Variants in SLC38A11 observed in about 807,000 individuals in gnomAD.
SLC38A11 encodes the protein putative sodium-coupled neutral amino acid transporter 11.
A neutral mutation model predicts 49.4 loss-of-function variants in SLC38A11; 51 were observed. The observed-to-expected ratio is 1.03, with a 90% CI of 0.83 to 1.30. SLC38A11 has a LOEUF of 1.30. Among genes scored for constraint, SLC38A11 ranks in the 50% most tolerant of loss-of-function variants. The pLI is 0.00. For synonymous variants in SLC38A11, 203 were observed against 192.9 expected (o/e 1.05, Z -0.43); for missense variants, 574 against 556.2 (o/e 1.03, Z -0.32).
chr2:164,922,571 C>G (rs2105473819), intron 7 of SLC38A11, among the ~76,000 whole-genome samples: 1 of 152,262 alleles, frequency 6.6e-6, no homozygotes, highest in East Asian at 1.9e-4. Context: ...AAAACTGATT[C>G]ATTTAAAAAC....
chr2:164,915,521 T>C, intron 8 of SLC38A11: 1 of 434,062 alleles, frequency 2.3e-6, no homozygotes, highest in Non-Finnish European at 4.1e-6. Context: ...TTCTCTCTCA[T>C]TTTCCTTTTC....
intron 3 of SLC38A11, among the ~76,000 whole-genome samples, chr2:164,946,111 G>A (rs1688088303): frequency 6.6e-6 from 1 of 152,140 alleles, no homozygotes. Flanking sequence ...TATTTCATAA[G>A]TATTCAGTGT....
intron 9 of SLC38A11, among the ~76,000 whole-genome samples, chr2:164,913,093 G>T (rs1482627124): frequency 6.6e-6 from 1 of 151,756 alleles, no homozygotes; most frequent in Non-Finnish European, 1.5e-5. Flanking sequence ...CCTCTGTACT[G>T]TTTTTTTCAT....
intron 8 of SLC38A11, 67 bp from the exon 9 acceptor site, chr2:164,915,340 T>C: frequency 7.1e-7 from 1 of 1,413,188 alleles, no homozygotes; most frequent in Non-Finnish European, 9.6e-7. Context: ...GTTCTGAAAT[T>C]CAGAGATATA....
chr2:164,955,223 C>T lies in SLC38A11; in HGVS notation c.25G>A (p.Val9Ile). 6.4e-7 allele frequency: 1 copy of T among 1,550,546 alleles called. No individual in the cohort carries two copies. Among genetic ancestry groups the T allele is most frequent in the Non-Finnish European group, 8.7e-7 (1 of 1,146,980 alleles). MGYQRQEP[V>I]IPPQRDLDDR... ...GCTAGTTTTACCTGCGGCGGGATGA[C>T]AGGCTCCTGCCTCTGGTAGCCCATG... is the stretch of plus-strand genomic sequence containing the variant. The change falls in exon 1 of 12, where the codon GTC becomes ATC. Residue 9 changes from valine to isoleucine, a missense_variant. Physicochemically the swap from Val to Ile is conservative, Grantham distance 29. Transcript: ENST00000685975.
Position 164,895,773 on chromosome 2 carries a change from T to C in SLC38A11, c.*2664A>G, listed in dbSNP as rs933775296. 1 of 152,222 alleles carries C rather than the reference T, an allele frequency of 6.6e-6. No individual in the cohort carries two copies. The highest frequency in any genetic ancestry group is 1.5e-5 in the Non-Finnish European group (1 of 68,036). 9.4% of individuals were successfully genotyped at this position (152,222 alleles called of 1,614,324 possible). ...TGGTGCGTTCAGGAAGGTATGGTCA[T>C]AGACAGTTTACCCATTCTGATGTTT... On this transcript the variant is annotated 3_prime_UTR_variant, in exon 12 of 12. Coordinates refer to ENST00000685975, the MANE Select transcript of SLC38A11 (RefSeq NM_001351537.2).
chr2:164,923,020 A>G (rs535219978), intron 7 of SLC38A11, among the ~76,000 whole-genome samples: 2 of 152,362 alleles, frequency 1.3e-5, no homozygotes, highest in South Asian at 4.1e-4. Flanking sequence ...CTGGCTAACC[A>G]TATGCAGAAG....
rs1404072091 is a variant in SLC38A11 at position 164,898,548 on chromosome 2, C to G, written c.1278G>C (p.Gly426=). Residue 426 remains glycine (G), a synonymous_variant, in exon 12 of 12, where the codon GGG becomes GGC. Transcript: ENST00000685975. ...CAGGAAAGCAGTAGAACATTTCCTG[C>G]CCATGGGTGCAGTCTTGAGTATTTG... The part of the protein sequence containing the change: ...AITNTQDCTH[G]QEMFYCFPDN... The G allele has an allele frequency of 6.2e-7, 1 of 1,613,540 alleles. No individual in the cohort carries two copies. The highest frequency in any genetic ancestry group is 1.7e-5 in the Admixed American group (1 of 59,898).
intron 10 of SLC38A11, among the ~76,000 whole-genome samples, chr2:164,910,713 G>A (rs1211545196): frequency 6.6e-6 from 1 of 152,020 alleles, no homozygotes; most frequent in Non-Finnish European, 1.5e-5. Context: ...TATCTCATTA[G>A]ACCCTTTCAC....
At chr2:164,909,107 C>A (rs1685225080) in intron 10 of SLC38A11, among the ~76,000 whole-genome samples, 1 of 152,088 alleles carries the variant, frequency 6.6e-6, no homozygotes, top group Non-Finnish European at 1.5e-5. Context: ...TAGGTTACTA[C>A]TAAAACAAAC....
chr2:164,915,294 G>C (rs1460423567), intron 8 of SLC38A11, 21 bp from the exon 9 acceptor site: 2 of 1,573,736 alleles, frequency 1.3e-6, no homozygotes, highest in Non-Finnish European at 1.7e-6. Flanking sequence ...AAAAAAAAGA[G>C]CATTATTAAA....
chr2:164,947,320 C>T (rs1334850272), intron 3 of SLC38A11, among the ~76,000 whole-genome samples: 2 of 151,510 alleles, frequency 1.3e-5, no homozygotes, highest in Admixed American at 6.6e-5. Context: ...TTAGCAGAGA[C>T]GGGGTTTTGC....
chr2:164,946,983 T>C (rs1688156225), intron 3 of SLC38A11, among the ~76,000 whole-genome samples: 1 of 152,130 alleles, frequency 6.6e-6, no homozygotes, highest in Admixed American at 6.5e-5. Flanking sequence ...CCTTTTATTC[T>C]CAACCATTCT....
chr2:164,924,507 C>T (rs1279713119), intron 7 of SLC38A11, among the ~76,000 whole-genome samples: 1 of 152,102 alleles, frequency 6.6e-6, no homozygotes, highest in Non-Finnish European at 1.5e-5. Context: ...ATATAAAATA[C>T]AAGTTGAAAT....
At chr2:164,911,348 C>T (rs1685386334) in intron 10 of SLC38A11, among the ~76,000 whole-genome samples, 1 of 152,082 alleles carries the variant, frequency 6.6e-6, no homozygotes, top group Admixed American at 6.6e-5. Context: ...AAAAGGCTGG[C>T]AGTCACTTTG....
chr2:164,935,023 T>G (rs1178560379), intron 7 of SLC38A11, among the ~76,000 whole-genome samples: 3 of 152,250 alleles, frequency 2.0e-5, no homozygotes, highest in Admixed American at 2.0e-4. Flanking sequence ...TTGCAATTCT[T>G]CTTTTAAAAC....
At chr2:164,899,090 T>A (rs979910667) in intron 11 of SLC38A11, among the ~76,000 whole-genome samples, 8 of 152,152 alleles carry the variant, frequency 5.3e-5, no homozygotes, top group Non-Finnish European at 8.8e-5. Context: ...TCACTAAAAC[T>A]ATTGTGTATC....
intron 6 of SLC38A11, among the ~76,000 whole-genome samples, chr2:164,938,885 T>G (rs1032220254): frequency 2.6e-5 from 4 of 152,162 alleles, no homozygotes; most frequent in Non-Finnish European, 5.9e-5. Flanking sequence ...AATGAGCATC[T>G]GTAGTGAACT....
chr2:164,905,686 A>C (rs1287012164), intron 11 of SLC38A11, among the ~76,000 whole-genome samples: 1 of 152,142 alleles, frequency 6.6e-6, no homozygotes, highest in Non-Finnish European at 1.5e-5. Context: ...AATTCTTACA[A>C]AGTGCTTTAA....
Sources: gnomAD v4.1 joint callset for allele counts (sites outside exome capture counted in the v4.1 genomes callset) on GRCh38, gnomAD v4.1.1 for gene constraint, MANE v1.5 for transcripts, NCBI Gene and HGNC (gene_info 2026-07-23, HGNC 2026-07-21) for gene names.